The following FHIT variants were observed in gnomAD, a reference collection of about 807,000 sequenced individuals.
FHIT encodes the protein fragile histidine triad diadenosine triphosphatase, also known as bis(5'-adenosyl)-triphosphatase.
A neutral mutation model predicts 17.9 loss-of-function variants in FHIT; 19 were observed. The ratio of observed to expected loss-of-function variants is 1.06; its 90% CI spans 0.74 to 1.56. FHIT has a LOEUF of 1.56. Among genes scored for constraint, FHIT ranks in the 40% most tolerant of loss-of-function variants. FHIT has a pLI of 0.00. For missense variants in FHIT, 248 were observed against 189.2 expected, an observed-to-expected ratio of 1.31 and a Z score of -1.82; for synonymous variants, 81 against 69.7, an observed-to-expected ratio of 1.16 and a Z score of -0.81.
At chr3:60,570,491 T>C (rs2037337819) in intron 4 of FHIT, among the ~76,000 whole-genome samples, 1 of 152,100 alleles carries the variant, frequency 6.6e-6, no homozygotes, top group Non-Finnish European at 1.5e-5. Flanking sequence ...ATCTAACACA[T>C]TTCAAGACAT....
chr3:59,780,830 G>A (rs73840811), intron 8 of FHIT, among the ~76,000 whole-genome samples: 5,465 of 152,168 alleles, frequency 0.036, 137 homozygotes, highest in South Asian at 0.075. Flanking sequence ...TGTTTAACCC[G>A]TTTAGTTTAT....
chr3:60,658,275 T>A (rs1215947469), intron 4 of FHIT, among the ~76,000 whole-genome samples: 10 of 152,154 alleles, frequency 6.6e-5, no homozygotes, highest in Non-Finnish European at 1.5e-4. Context: ...ATTTACTTCC[T>A]TTTTAAGGCC....
chr3:59,927,233 A>G lies in FHIT; in HGVS notation c.280-4819T>C, dbSNP rs576739848. Among the ~76,000 whole-genome samples, 497 of 152,284 alleles carry G rather than the reference A, an allele frequency of 3.3e-3. 1 individual carries two copies. Among genetic ancestry groups the G allele is most frequent in the Non-Finnish European group, 6.0e-3 (407 of 68,020 alleles). ...CATATTGTACCATGCCATTTACATG[A>G]AAAAGCCAAATGAGGCTGATTCATA... On this transcript the variant is annotated intron_variant, in intron 7 of 9. Coordinates refer to ENST00000492590, the MANE Select transcript of FHIT (RefSeq NM_002012.4).
intron 5 of FHIT, among the ~76,000 whole-genome samples, chr3:60,144,436 C>T (rs890321540): frequency 6.6e-6 from 1 of 152,216 alleles, no homozygotes; most frequent in Admixed American, 6.5e-5. Context: ...GGCAAGTATT[C>T]TGGAGCTTGG....
At chr3:61,187,908 A>G (rs1044352496) in intron 2 of FHIT, among the ~76,000 whole-genome samples, 2 of 152,212 alleles carry the variant, frequency 1.3e-5, no homozygotes, top group African/African-American at 2.4e-5. Context: ...AACATACCAG[A>G]ATCTCTGGGA....
At chr3:61,149,042 C>G (rs28472466) in intron 2 of FHIT, among the ~76,000 whole-genome samples, 1 of 152,118 alleles carries the variant, frequency 6.6e-6, no homozygotes, top group Non-Finnish European at 1.5e-5. Context: ...TTAAAACTTA[C>G]GTTTAACTGA....
chr3:60,937,267 T>C (rs781810815), intron 3 of FHIT, among the ~76,000 whole-genome samples: 13 of 152,218 alleles, frequency 8.5e-5, no homozygotes, highest in Admixed American at 2.0e-4. Flanking sequence ...AGGAATGATC[T>C]TTGATTTGGG....
intron 5 of FHIT, among the ~76,000 whole-genome samples, chr3:60,145,018 T>C (rs560173186): frequency 7.9e-5 from 12 of 152,288 alleles, no homozygotes; most frequent in Middle Eastern, 3.4e-3. Flanking sequence ...TCCAGTGATA[T>C]TGTTTCAGAT....
intron 5 of FHIT, among the ~76,000 whole-genome samples, chr3:60,361,930 A>G (rs1699921777): frequency 6.6e-6 from 1 of 152,150 alleles, no homozygotes; most frequent in Admixed American, 6.5e-5. Flanking sequence ...ATTTACAAAA[A>G]AAGTTTTCTC....
intron 5 of FHIT, among the ~76,000 whole-genome samples, chr3:60,373,381 AG>A (rs1700417959): frequency 6.6e-6 from 1 of 152,218 alleles, no homozygotes; most frequent in Non-Finnish European, 1.5e-5. Context: ...TCAAATGCGA[AG>A]GTTGCCACAT....
At chr3:60,792,445 A>T (rs1553728811) in intron 4 of FHIT, among the ~76,000 whole-genome samples, 1 of 152,246 alleles carries the variant, frequency 6.6e-6, no homozygotes. Context: ...CTCTCAATGC[A>T]GTCACACATT....
At chr3:60,633,888 G>A (rs1425166447) in intron 4 of FHIT, among the ~76,000 whole-genome samples, 2 of 152,232 alleles carry the variant, frequency 1.3e-5, no homozygotes, top group Non-Finnish European at 2.9e-5. Flanking sequence ...CAGACCCACG[G>A]TGGTGTCCCA....
intron 2 of FHIT, among the ~76,000 whole-genome samples, chr3:61,189,089 C>A (rs2038624189): frequency 6.6e-6 from 1 of 152,236 alleles, no homozygotes; most frequent in East Asian, 1.9e-4. Flanking sequence ...CCAGGGCGAT[C>A]AGGCAGGAGA....
intron 2 of FHIT, among the ~76,000 whole-genome samples, chr3:61,052,127 T>C (rs1021264811): frequency 1.3e-5 from 2 of 152,192 alleles, no homozygotes; most frequent in Non-Finnish European, 2.9e-5. Context: ...ATAAGGCATA[T>C]ACAAATTCTA....
chr3:60,540,473 G>A lies in FHIT; in HGVS notation c.-17-3494C>T, dbSNP rs190553624. Among the ~76,000 whole-genome samples, 274 of 152,262 alleles carry A rather than the reference G, an allele frequency of 1.8e-3. 1 individual carries two copies. The highest frequency in any genetic ancestry group is 6.3e-3 in the African/African-American group (262 of 41,538). On this transcript the variant is annotated intron_variant, in intron 4 of 9. Transcript: ENST00000492590. ...TCTCATGGCATTGAGCCCTCAACCT[G>A]TGGAATCTGAGGCTATCTCCAGGTA...
intron 5 of FHIT, among the ~76,000 whole-genome samples, chr3:60,199,696 T>C (rs1472252967): frequency 6.6e-6 from 1 of 152,164 alleles, no homozygotes; most frequent in African/African-American, 2.4e-5. Context: ...TATTTAAATT[T>C]CCAGAACATT....
At chr3:60,065,659 T>C (rs186606541) in intron 5 of FHIT, among the ~76,000 whole-genome samples, 11 of 152,296 alleles carry the variant, frequency 7.2e-5, no homozygotes, top group East Asian at 1.9e-4. Flanking sequence ...AGTCAGTCTA[T>C]TGAGTTTTTA....
intron 3 of FHIT, among the ~76,000 whole-genome samples, chr3:60,971,358 C>T (rs1032866430): frequency 3.3e-5 from 5 of 152,094 alleles, no homozygotes; most frequent in Non-Finnish European, 5.9e-5. Context: ...ATAAATAATG[C>T]ATAATACCAT....
At chr3:60,571,077 C>A (rs575906286) in intron 4 of FHIT, among the ~76,000 whole-genome samples, 88 of 152,076 alleles carry the variant, frequency 5.8e-4, no homozygotes, top group African/African-American at 2.1e-3. Context: ...CCTGTAATCC[C>A]AGCACTTTGG....
Sources: gnomAD v4.1 joint callset for allele counts (sites outside exome capture counted in the v4.1 genomes callset) on GRCh38, gnomAD v4.1.1 for gene constraint, MANE v1.5 for transcripts, NCBI Gene and HGNC (gene_info 2026-07-23, HGNC 2026-07-21) for gene names.